Variants in WDPCP observed in about 807,000 individuals in gnomAD.
WDPCP encodes WD repeat containing planar cell polarity effector.
Under a neutral mutation model 93.1 loss-of-function variants are expected in WDPCP, and 71 were observed. The ratio of observed to expected loss-of-function variants is 0.76; its 90% CI spans 0.63 to 0.93. The LOEUF (loss-of-function observed/expected upper bound fraction) is 0.93. Among genes scored for constraint, WDPCP ranks in the 40% least tolerant of loss-of-function variants. The pLI, the probability that WDPCP is intolerant of heterozygous loss-of-function variation, is 0.00. For synonymous variants in WDPCP, 315 were observed against 315.0 expected (o/e 1.00, Z 0.00); for missense variants, 844 against 887.4 (o/e 0.95, Z 0.62).
intron 2 of WDPCP, among the ~76,000 whole-genome samples, chr2:63,719,322 T>C (rs893281741): frequency 4.6e-5 from 7 of 152,150 alleles, no homozygotes; most frequent in African/African-American, 1.7e-4. Flanking sequence ...AGGGAGGGAA[T>C]GTGGGACAGG....
At chr2:63,474,945 A>C (rs960850728) in intron 6 of WDPCP, among the ~76,000 whole-genome samples, 9 of 152,174 alleles carry the variant, frequency 5.9e-5, no homozygotes, top group African/African-American at 2.2e-4. Flanking sequence ...GCTGAATTAG[A>C]TGATTTATGT....
chr2:63,534,921 G>C (rs941750496), intron 1 of WDPCP, among the ~76,000 whole-genome samples: 14 of 152,184 alleles, frequency 9.2e-5, no homozygotes, highest in African/African-American at 3.4e-4. Flanking sequence ...AAGTCAAATT[G>C]TTCCTGTTTG....
intron 6 of WDPCP, among the ~76,000 whole-genome samples, chr2:63,475,348 A>G (rs772307573): frequency 1.3e-5 from 2 of 152,094 alleles, no homozygotes; most frequent in Non-Finnish European, 2.9e-5. Context: ...TCCTTCCTGC[A>G]AAGTCCAGCT....
chr2:63,762,415 T>C (rs1338808065), intron 2 of WDPCP, among the ~76,000 whole-genome samples: 1 of 152,068 alleles, frequency 6.6e-6, no homozygotes, highest in Non-Finnish European at 1.5e-5. Flanking sequence ...TCATTACCCC[T>C]TTCAGATTAT....
rs1421376924 is a variant in WDPCP at position 63,388,157 on chromosome 2, A to T, written c.1436-6063T>A. Among the ~76,000 whole-genome samples the T allele has an allele frequency of 5.3e-5, 8 of 152,252 alleles. No homozygotes were observed. In the East Asian group the frequency reaches 9.7e-4, roughly 18 times the overall value. On this transcript the variant is annotated intron_variant, in intron 10 of 17. Transcript: ENST00000272321. ...TTGAGAGCCGTTCCAAGATGGCTGA[A>T]TAGGAACAGCTCCAGTCTGCATCTC...
At chr2:63,340,083 G>A (rs1457258988) in intron 12 of WDPCP, among the ~76,000 whole-genome samples, 6 of 152,114 alleles carry the variant, frequency 3.9e-5, no homozygotes, top group East Asian at 1.9e-4. Flanking sequence ...ATACATCTAC[G>A]TCTTTGCATT....
At chr2:63,325,322 C>T (rs539838547) in intron 12 of WDPCP, among the ~76,000 whole-genome samples, 8 of 152,290 alleles carry the variant, frequency 5.3e-5, no homozygotes, top group Middle Eastern at 3.4e-3. Flanking sequence ...CGTCCATGTC[C>T]GCTATGCTGA....
intron 14 of WDPCP, among the ~76,000 whole-genome samples, chr2:63,252,158 C>G (rs1263375448): frequency 6.6e-6 from 1 of 152,122 alleles, no homozygotes; most frequent in Non-Finnish European, 1.5e-5. Flanking sequence ...GCGTGATTCA[C>G]CACATGAACA....
chr2:63,200,303 T>TA (rs943304122), intron 14 of WDPCP, among the ~76,000 whole-genome samples: 13 of 152,080 alleles, frequency 8.5e-5, no homozygotes, highest in Admixed American at 2.0e-4. Flanking sequence ...AAACTAAAAA[T>TA]AGAGCTACCA....
chr2:63,614,536 C>T (rs1709652406), intron 3 of WDPCP, among the ~76,000 whole-genome samples: 1 of 152,144 alleles, frequency 6.6e-6, no homozygotes, highest in South Asian at 2.1e-4. Context: ...ATGAAAGAGG[C>T]TGGAAGAACC....
chr2:63,220,501 C>T (rs538072566), intron 14 of WDPCP, among the ~76,000 whole-genome samples: 33 of 152,162 alleles, frequency 2.2e-4, no homozygotes, highest in African/African-American at 7.7e-4. Context: ...CTTCTGATAA[C>T]TACTGTTTAT....
chr2:63,538,967 C>G (rs1401089448), intron 1 of WDPCP, among the ~76,000 whole-genome samples: 1 of 152,128 alleles, frequency 6.6e-6, no homozygotes, highest in African/African-American at 2.4e-5. Context: ...TAACACCAGT[C>G]ATTAAAATTC....
chr2:63,606,977 C>A, intron 3 of WDPCP: 1 of 1,611,242 alleles, frequency 6.2e-7, no homozygotes, highest in Non-Finnish European at 8.5e-7. Flanking sequence ...GAATTTCTTT[C>A]CTCTGCCTGA....
chr2:63,247,029 A>C (rs1680331821), intron 14 of WDPCP, among the ~76,000 whole-genome samples: 1 of 152,202 alleles, frequency 6.6e-6, no homozygotes, highest in South Asian at 2.1e-4. Flanking sequence ...AAATCATGTC[A>C]GTTTATAAAA....
chr2:63,624,811 G>A (rs939392712), intron 3 of WDPCP, among the ~76,000 whole-genome samples: 3 of 152,084 alleles, frequency 2.0e-5, no homozygotes, highest in Non-Finnish European at 4.4e-5. Context: ...AAAGAGGGAC[G>A]CTTCCCTAAC....
chr2:63,462,873 G>A (rs1306720714), intron 6 of WDPCP, among the ~76,000 whole-genome samples: 1 of 152,020 alleles, frequency 6.6e-6, no homozygotes, highest in Admixed American at 6.6e-5. Flanking sequence ...ACCAAAGAGG[G>A]GTCTCTGCGT....
At chr2:63,478,657 A>T (rs1419593717) in intron 6 of WDPCP, among the ~76,000 whole-genome samples, 1 of 152,180 alleles carries the variant, frequency 6.6e-6, no homozygotes, top group Non-Finnish European at 1.5e-5. Context: ...AGCCTATCAA[A>T]ACCTCTGCGA....
At chr2:63,132,181 A>G (rs1199816130) in intron 17 of WDPCP, among the ~76,000 whole-genome samples, 1 of 152,018 alleles carries the variant, frequency 6.6e-6, no homozygotes, top group Non-Finnish European at 1.5e-5. Flanking sequence ...TTTAGCCTGC[A>G]AGATTCATAC....
chr2:63,597,357 T>G (rs974095722), intron 3 of WDPCP: 1 of 1,325,374 alleles, frequency 7.5e-7, no homozygotes, highest in Non-Finnish European at 9.7e-7. Flanking sequence ...CTTCAAACTT[T>G]GATGTTTAAG....
Sources: gnomAD v4.1 joint callset for allele counts (sites outside exome capture counted in the v4.1 genomes callset) on GRCh38, gnomAD v4.1.1 for gene constraint, MANE v1.5 for transcripts, NCBI Gene and HGNC (gene_info 2026-07-23, HGNC 2026-07-21) for gene names.